ATP6V0A4: variants seen among roughly 807,000 people sequenced by gnomAD.
The protein encoded by ATP6V0A4 is V-type proton ATPase 116 kDa subunit a 4.
Under a neutral mutation model 107.3 loss-of-function variants are expected in ATP6V0A4, and 86 were observed. The observed-to-expected ratio is 0.80, with a 90% CI of 0.67 to 0.96. ATP6V0A4 has a LOEUF of 0.96. Ranked by LOEUF, ATP6V0A4 falls within the 40% of genes least tolerant of loss-of-function variation. ATP6V0A4 has a pLI of 0.00. For synonymous variants in ATP6V0A4, 353 were observed against 381.4 expected (o/e 0.93, Z 0.87); for missense variants, 908 against 1,045.6 (o/e 0.87, Z 1.81).
intron 18 of ATP6V0A4, among the ~76,000 whole-genome samples, chr7:138,723,523 C>CTTTTTTTTTTTTT (rs10528520): frequency 9.4e-5 from 12 of 128,250 alleles, no homozygotes; most frequent in African/African-American, 1.5e-4. Flanking sequence ...TCTTTCTTTT[C>CTTTTTTTTTTTTT]TTTTTTTTTT....
At chr7:138,795,396 T>C (rs1359850539) in intron 1 of ATP6V0A4, among the ~76,000 whole-genome samples, 1 of 152,114 alleles carries the variant, frequency 6.6e-6, no homozygotes, top group East Asian at 1.9e-4. Context: ...CTTGATAGGA[T>C]GGTCTCAGCT....
intron 12 of ATP6V0A4, among the ~76,000 whole-genome samples, chr7:138,748,313 C>T (rs957903262): frequency 5.9e-5 from 9 of 152,190 alleles, no homozygotes; most frequent in Non-Finnish European, 1.2e-4. Context: ...CCCTGCATTA[C>T]AGGCCACAAA....
chr7:138,730,715 T>C (rs555334643), intron 17 of ATP6V0A4, among the ~76,000 whole-genome samples: 17 of 152,268 alleles, frequency 1.1e-4, no homozygotes, highest in African/African-American at 4.1e-4. Flanking sequence ...ACAGAAGAGT[T>C]ATTTGGGAAA....
At chr7:138,758,703 G>A (rs930093066) in intron 8 of ATP6V0A4, among the ~76,000 whole-genome samples, 11 of 146,510 alleles carry the variant, frequency 7.5e-5, no homozygotes, top group Non-Finnish European at 1.2e-4. Flanking sequence ...TAAGAACTGC[G>A]GAATCTCAGG....
At chr7:138,740,475 A>G (rs59150668) in intron 14 of ATP6V0A4, among the ~76,000 whole-genome samples, 1 of 139,394 alleles carries the variant, frequency 7.2e-6, no homozygotes, top group African/African-American at 2.7e-5. Context: ...TGCCCAGGCT[A>G]GAGTGCAATG....
chr7:138,707,400 T>TTAA (rs1554386097), intron 21 of ATP6V0A4, among the ~76,000 whole-genome samples: 3 of 95,608 alleles, frequency 3.1e-5, no homozygotes, highest in Non-Finnish European at 3.9e-5. Context: ...AATAAATATA[T>TTAA]TATATATATA....
rs1345749797 is a variant in ATP6V0A4 at position 138,790,367 on chromosome 7, C to G, written c.-120-4107G>C. Among the ~76,000 whole-genome samples the G allele has an allele frequency of 8.5e-5, 13 of 152,220 alleles. No homozygotes were observed. In the South Asian group the frequency reaches 2.1e-3, roughly 24 times the overall value. ...GGAGAGTAGTGGCATGATCTTGGCT[C>G]ACTGCAACCTCTGCCTCTTGGGTTC... is the stretch of plus-strand genomic sequence containing the variant. On this transcript the variant is annotated intron_variant, in intron 1 of 21. Transcript: ENST00000310018.
At chr7:138,742,332 C>A (rs1805672760) in intron 14 of ATP6V0A4, among the ~76,000 whole-genome samples, 1 of 152,082 alleles carries the variant, frequency 6.6e-6, no homozygotes, top group African/African-American at 2.4e-5. Flanking sequence ...GAGGCTGAGG[C>A]AGGAGAATCG....
intron 2 of ATP6V0A4, among the ~76,000 whole-genome samples, chr7:138,772,215 C>A (rs1237218302): frequency 2.0e-5 from 3 of 152,170 alleles, no homozygotes; most frequent in Non-Finnish European, 2.9e-5. Flanking sequence ...ATCCCTCATA[C>A]CCACAAATCA....
intron 12 of ATP6V0A4, among the ~76,000 whole-genome samples, chr7:138,748,117 A>C (rs986815895): frequency 6.6e-6 from 1 of 151,766 alleles, no homozygotes; most frequent in African/African-American, 2.4e-5. Flanking sequence ...AAGCTAAGTG[A>C]CTTGTCAAAA....
chr7:138,760,043 C>T (rs1806724178), intron 7 of ATP6V0A4, 165 bp from the exon 8 acceptor site: 1 of 715,900 alleles, frequency 1.4e-6, no homozygotes, highest in Admixed American at 6.3e-5. Flanking sequence ...GGCCACCCCG[C>T]ATCCAGCCCT....
At chr7:138,780,320 C>T (rs1260352988) in intron 2 of ATP6V0A4, among the ~76,000 whole-genome samples, 2 of 152,178 alleles carry the variant, frequency 1.3e-5, no homozygotes, top group Admixed American at 6.5e-5. Flanking sequence ...TCTTCTCATG[C>T]ACAGTTCACA....
At chr7:138,740,508 C>A (rs1014025357) in intron 14 of ATP6V0A4, among the ~76,000 whole-genome samples, 2 of 147,042 alleles carry the variant, frequency 1.4e-5, no homozygotes, top group Non-Finnish European at 3.0e-5. Context: ...CTCACTGCAA[C>A]CTCCGCCACC....
At chr7:138,751,679 G>A (rs915042272) in intron 11 of ATP6V0A4, among the ~76,000 whole-genome samples, 1 of 152,020 alleles carries the variant, frequency 6.6e-6, no homozygotes. Context: ...GAATGTCTAA[G>A]GAATGAATGG....
chr7:138,733,811 C>T (rs1805159673), intron 16 of ATP6V0A4, among the ~76,000 whole-genome samples: 3 of 152,096 alleles, frequency 2.0e-5, no homozygotes, highest in African/African-American at 7.2e-5. Flanking sequence ...CTCCTGACCT[C>T]AGGTGATCCA....
In ATP6V0A4 at chr7:138,734,581, A is replaced by G. The variant is rs6963261; in HGVS notation, c.1573-327T>C. On this transcript the variant is annotated intron_variant, in intron 15 of 21. Transcript: ENST00000310018. Reference sequence around the variant, plus strand: ...CACTTGAGCTCAGGAGTTCGAGACCAGTCTGGTCAACCTGGCGAAACCCTG... The same window carrying G: ...CACTTGAGCTCAGGAGTTCGAGACCGGTCTGGTCAACCTGGCGAAACCCTG... Among the ~76,000 whole-genome samples the G allele has an allele frequency of 0.73, 110,711 of 151,562 alleles. 40,678 individuals are homozygous for G. The highest frequency in any genetic ancestry group is 0.93 in the East Asian group (4,770 of 5,106).
rs377141085 is a variant in ATP6V0A4, at chr7:138,708,017, TTTTATTTATTTATTTATTTA to T, written c.2430-1320_2430-1301del. Reference sequence around the variant, plus strand: ...ACCATGTCGGATGATTTATGTTTTATTTTATTTATTTATTTATTTATTTATTTATTTATTTATTTATTTAT... The same window carrying T: ...ACCATGTCGGATGATTTATGTTTTATTTTATTTATTTATTTATTTATTTAT... On this transcript the variant is annotated intron_variant, in intron 21 of 21. Transcript: ENST00000310018. Among the ~76,000 whole-genome samples the T allele has an allele frequency of 1.9e-3, 261 of 140,000 alleles. 1 individual carries two copies. Among genetic ancestry groups the T allele is most frequent in the African/African-American group, 6.6e-3 (243 of 37,090 alleles). The allele number at this position is 140,000 out of a possible 152,430, so 91.8% of individuals were successfully genotyped here.
At chr7:138,729,596 C>T (rs1201873016) in intron 17 of ATP6V0A4, among the ~76,000 whole-genome samples, 1 of 152,116 alleles carries the variant, frequency 6.6e-6, no homozygotes, top group East Asian at 1.9e-4. Context: ...ATCCTCACGC[C>T]CCTGCCTCCT....
intron 20 of ATP6V0A4, among the ~76,000 whole-genome samples, chr7:138,712,595 T>C (rs1272398540): frequency 6.6e-6 from 1 of 152,220 alleles, no homozygotes; most frequent in East Asian, 1.9e-4. Context: ...GTCAGTGTTT[T>C]AATTTTTTCC....
Sources: gnomAD v4.1 joint callset for allele counts (sites outside exome capture counted in the v4.1 genomes callset) on GRCh38, gnomAD v4.1.1 for gene constraint, MANE v1.5 for transcripts, NCBI Gene and HGNC (gene_info 2026-07-23, HGNC 2026-07-21) for gene names.